Variants in DCUN1D5 observed in about 807,000 individuals in gnomAD.
DCUN1D5 encodes defective in cullin neddylation 1 domain containing 5, also known as DCN1-like protein 5.
A neutral mutation model predicts 38.3 loss-of-function variants in DCUN1D5; 10 were observed. That is an observed-to-expected ratio of 0.26 (90% CI 0.16 to 0.44). The LOEUF is 0.44. Among genes scored for constraint, DCUN1D5 ranks in the 20% least tolerant of loss-of-function variants. DCUN1D5 has a pLI of 1.00. For missense variants in DCUN1D5, 148 were observed against 275.3 expected, an observed-to-expected ratio of 0.54 and a Z score of 3.27; for synonymous variants, 93 against 90.9, an observed-to-expected ratio of 1.02 and a Z score of -0.13.
chr11:103,080,287 A>ATT (rs1343813549), intron 4 of DCUN1D5, among the ~76,000 whole-genome samples: 1 of 152,224 alleles, frequency 6.6e-6, no homozygotes, highest in East Asian at 1.9e-4. Flanking sequence ...GAGAGAACTG[A>ATT]TAATAAAGTT....
intron 4 of DCUN1D5, among the ~76,000 whole-genome samples, chr11:103,074,294 G>C (rs1862353833): frequency 1.3e-5 from 2 of 152,278 alleles, no homozygotes; most frequent in South Asian, 2.1e-4. Flanking sequence ...ATGTTCGTTA[G>C]CATCTCTTTC....
At position 103,083,367 on chromosome 11, in the gene DCUN1D5, C is replaced by A; in HGVS notation, c.179-41G>T. 9.2e-7 allele frequency: 1 copy of A among 1,091,972 alleles called. No individual in the cohort carries two copies. The highest frequency in any genetic ancestry group is 1.4e-6 in the Non-Finnish European group (1 of 714,848). 67.6% of individuals were successfully genotyped at this position (1,091,972 alleles called of 1,614,324 possible). A position where few individuals can be genotyped will look rare whatever the true frequency, so the allele number is the denominator to read the frequency against. Reference sequence around the variant, plus strand: ...TAATTAACATATTTTGTTATAATATCAACATAAAACATAAATCGTCATGCT... The same window carrying A: ...TAATTAACATATTTTGTTATAATATAAACATAAAACATAAATCGTCATGCT... On this transcript the variant is annotated intron_variant, in intron 2 of 7. Transcript: ENST00000260247. This position sits in a 1 kb window ranked among gnomAD's most constrained non-coding sequence, Gnocchi z 4.4.
In DCUN1D5 at chr11:103,062,425, A is replaced by G. The variant is rs1377976134; in HGVS notation, c.659-11T>C. The stretch of plus-strand genomic sequence containing the variant: ...CAAGAAGAACAGGCCCTAGAAAAAA[A>G]GAAACCATTTTTGTCAGAATTCAGT... On this transcript the variant is annotated splice_polypyrimidine_tract_variant and intron_variant, in intron 7 of 7. Coordinates refer to ENST00000260247, the MANE Select transcript of DCUN1D5 (RefSeq NM_032299.4). This position sits in a 1 kb window ranked among gnomAD's most constrained non-coding sequence, Gnocchi z 4.6. The G allele has an allele frequency of 1.2e-6, 2 of 1,609,944 alleles. No individual in the cohort carries two copies. Among genetic ancestry groups the G allele is most frequent in the East Asian group, 2.2e-5 (1 of 44,846 alleles).
Position 103,059,787 on chromosome 11 carries a change from C to G in DCUN1D5, c.*2572G>C, listed in dbSNP as rs904539634. 3.3e-5 allele frequency among the ~76,000 whole-genome samples: 5 copies of G among 152,054 alleles called. No individual in the cohort carries two copies. The highest frequency in any genetic ancestry group is 7.4e-5 in the Non-Finnish European group (5 of 68,002). On this transcript the variant is annotated 3_prime_UTR_variant, in exon 8 of 8. Transcript: ENST00000260247. ...GGGTTGCAATCTGTCCAATCAACATCTGGCTCTACTTTCTCCCAGTAGTAT... is the reference window on the plus strand; with the variant it reads ...GGGTTGCAATCTGTCCAATCAACATGTGGCTCTACTTTCTCCCAGTAGTAT...
rs894276071 is a variant in DCUN1D5 at position 103,053,307 on chromosome 11, T to G, written c.*9052A>C. 1.3e-5 allele frequency: 2 copies of G among 149,808 alleles called. No homozygotes were observed. The highest frequency in any genetic ancestry group is 3.0e-5 in the Non-Finnish European group (2 of 67,302). 9.3% of individuals were successfully genotyped at this position (149,808 alleles called of 1,614,324 possible). On this transcript the variant is annotated 3_prime_UTR_variant, in exon 8 of 8. Transcript: ENST00000260247. This position sits in a 1 kb window ranked among gnomAD's most constrained non-coding sequence, Gnocchi z 4.8. Reference sequence around the variant, plus strand: ...CATTTAATGAACCATTTCACTATACTGCCTACAAAGAAAGCAAGTAATACA... The same window carrying G: ...CATTTAATGAACCATTTCACTATACGGCCTACAAAGAAAGCAAGTAATACA...
At chr11:103,085,563 C>T (rs539694006) in intron 2 of DCUN1D5, among the ~76,000 whole-genome samples, 43 of 152,174 alleles carry the variant, frequency 2.8e-4, no homozygotes, top group African/African-American at 9.9e-4. Flanking sequence ...GATATAATAC[C>T]TTATAACTTA....
In DCUN1D5 at chr11:103,064,467, A is replaced by C; in HGVS notation, c.556-90T>G. The C allele has an allele frequency of 9.5e-7, 1 of 1,051,292 alleles. No individual in the cohort carries two copies. Among genetic ancestry groups the C allele is most frequent in the South Asian group, 1.9e-5 (1 of 53,186 alleles). 65.1% of individuals were successfully genotyped at this position (1,051,292 alleles called of 1,614,324 possible). On this transcript the variant is annotated intron_variant, in intron 6 of 7. Transcript: ENST00000260247. This position sits in a 1 kb window ranked among gnomAD's most constrained non-coding sequence, Gnocchi z 4.5. ...AAACTAAGTTTTAACTGTTTTTGTGATTTGGTTTTTTCTAAAACATTTACT... is the reference window on the plus strand; with the variant it reads ...AAACTAAGTTTTAACTGTTTTTGTGCTTTGGTTTTTTCTAAAACATTTACT...
At chr11:103,082,197 C>T (rs1399358650) in intron 4 of DCUN1D5, among the ~76,000 whole-genome samples, 4 of 152,030 alleles carry the variant, frequency 2.6e-5, no homozygotes, top group Non-Finnish European at 5.9e-5. Context: ...AAGACAGGAT[C>T]CTAAACTGAA....
At position 103,089,326 on chromosome 11, in the gene DCUN1D5, AAC is replaced by A. The variant is rs1388815560; in HGVS notation, c.87-10_87-9del. On this transcript the variant is annotated splice_polypyrimidine_tract_variant and intron_variant, in intron 1 of 7. Transcript: ENST00000260247. ...GGTTGGGATCTGCAATAGCTTAGAAAACACACAGACGCCTAAGATTTTTATCA... is the reference window on the plus strand; with the variant it reads ...GGTTGGGATCTGCAATAGCTTAGAAAACACAGACGCCTAAGATTTTTATCA... The A allele has an allele frequency of 1.1e-5, 17 of 1,596,484 alleles. No homozygotes were observed. The South Asian group carries it at 1.2e-4, about 12-fold the overall frequency.
In DCUN1D5 at chr11:103,065,382, C is replaced by A. The variant is rs1462498264; in HGVS notation, c.555+887G>T. On this transcript the variant is annotated intron_variant, in intron 6 of 7. Coordinates refer to ENST00000260247, the MANE Select transcript of DCUN1D5 (RefSeq NM_032299.4). The surrounding 1 kb of genome is among the most constrained non-coding windows in gnomAD (Gnocchi z 4.6). ...ATGTTGGCCAGGCTGGTCTCGAACTCCTGGCCTCAAGTGATCTGCCTGCCT... is the reference window on the plus strand; with the variant it reads ...ATGTTGGCCAGGCTGGTCTCGAACTACTGGCCTCAAGTGATCTGCCTGCCT... Among the ~76,000 whole-genome samples, 5 of 152,146 alleles carry A rather than the reference C, an allele frequency of 3.3e-5. No homozygotes were observed. Among genetic ancestry groups the A allele is most frequent in the Non-Finnish European group, 7.4e-5 (5 of 68,010 alleles).
At position 103,063,690 on chromosome 11, in the gene DCUN1D5, ATTAAT is replaced by A. The variant is rs571946482; in HGVS notation, c.658+580_658+584del. On this transcript the variant is annotated intron_variant, in intron 7 of 7. Coordinates refer to ENST00000260247, the MANE Select transcript of DCUN1D5 (RefSeq NM_032299.4). The surrounding 1 kb of genome is among the most constrained non-coding windows in gnomAD (Gnocchi z 4.6). ...CTACAGAATTAACTTGGTTTATCTAATTAATTTATCATTATTTCAAAATCCTGTTT... is the reference window on the plus strand; with the variant it reads ...CTACAGAATTAACTTGGTTTATCTAATTATCATTATTTCAAAATCCTGTTT... Among the ~76,000 whole-genome samples the A allele has an allele frequency of 6.6e-6, 1 of 152,274 alleles. No individual in the cohort carries two copies. Among genetic ancestry groups the A allele is most frequent in the Admixed American group, 6.5e-5 (1 of 15,292 alleles).
chr11:103,080,952 T>C (rs550784710), intron 4 of DCUN1D5, among the ~76,000 whole-genome samples: 1 of 151,220 alleles, frequency 6.6e-6, no homozygotes, highest in South Asian at 2.1e-4. Flanking sequence ...GAGGTTGCAG[T>C]GAGCCAAGAT....
chr11:103,080,945 G>A (rs1370831273), intron 4 of DCUN1D5, among the ~76,000 whole-genome samples: 1 of 151,886 alleles, frequency 6.6e-6, no homozygotes, highest in Non-Finnish European at 1.5e-5. Context: ...GGAGGCGGAG[G>A]TTGCAGTGAG....
At position 103,058,057 on chromosome 11, in the gene DCUN1D5, A is replaced by T. The variant is rs1178913207; in HGVS notation, c.*4302T>A. Among the ~76,000 whole-genome samples, 1 of 152,234 alleles carries T rather than the reference A, an allele frequency of 6.6e-6. No individual in the cohort carries two copies. The highest frequency in any genetic ancestry group is 1.5e-5 in the Non-Finnish European group (1 of 68,038). On this transcript the variant is annotated 3_prime_UTR_variant, in exon 8 of 8. Coordinates refer to ENST00000260247, the MANE Select transcript of DCUN1D5 (RefSeq NM_032299.4). ...ATAGAGCCAAAAATAAATGCAACAAAGCTCCAATAAAATTGGCATTATAAG... is the reference window on the plus strand; with the variant it reads ...ATAGAGCCAAAAATAAATGCAACAATGCTCCAATAAAATTGGCATTATAAG...
At position 103,051,197 on chromosome 11, in the gene DCUN1D5, G is replaced by C. The variant is rs1388324333; in HGVS notation, c.*11162C>G. 6.6e-6 allele frequency: 1 copy of C among 152,112 alleles called. No homozygotes were observed. The highest frequency in any genetic ancestry group is 1.5e-5 in the Non-Finnish European group (1 of 68,028). The allele number at this position is 152,112 out of a possible 1,614,324, so 9.4% of individuals were successfully genotyped here. On this transcript the variant is annotated 3_prime_UTR_variant, in exon 8 of 8. Transcript: ENST00000260247. Reference sequence around the variant, plus strand: ...CCAATTATTTTGTAACATTGGACTAGTCAACATACCATCTTATGACCAAAT... The same window carrying C: ...CCAATTATTTTGTAACATTGGACTACTCAACATACCATCTTATGACCAAAT...
chr11:103,074,423 GT>G (rs1270701509), intron 4 of DCUN1D5, among the ~76,000 whole-genome samples: 2 of 152,126 alleles, frequency 1.3e-5, no homozygotes, highest in Middle Eastern at 3.4e-3. Flanking sequence ...TTGTTTGTTT[GT>G]TTTGAGATTG....
intron 4 of DCUN1D5, among the ~76,000 whole-genome samples, chr11:103,070,273 A>T (rs1317255821): frequency 2.6e-5 from 4 of 152,140 alleles, no homozygotes; most frequent in Non-Finnish European, 5.9e-5. Context: ...AGAGTGGATT[A>T]AAAAAAGCAT....
chr11:103,072,355 T>TAGATCTAGATCTAGATCTAGATCTAGAA (rs1862296770), intron 4 of DCUN1D5, among the ~76,000 whole-genome samples: 5 of 151,146 alleles, frequency 3.3e-5, no homozygotes, highest in Admixed American at 3.3e-4. Flanking sequence ...TAGATCTAGA[T>TAGATCTAGATCTAGATCTAGATCTAGAA]CTAGATCTAG....
intron 2 of DCUN1D5, among the ~76,000 whole-genome samples, chr11:103,084,113 T>C (rs761607418): frequency 6.6e-5 from 10 of 152,190 alleles, no homozygotes; most frequent in Non-Finnish European, 1.2e-4. Flanking sequence ...ATTCCCAAAA[T>C]ATAGTAATTA....
Sources: gnomAD v4.1 joint callset for allele counts (sites outside exome capture counted in the v4.1 genomes callset) on GRCh38, gnomAD v4.1.1 for gene constraint, Gnocchi (gnomAD v3.1) non-coding constraint, MANE v1.5 for transcripts, NCBI Gene and HGNC (gene_info 2026-07-23, HGNC 2026-07-21) for gene names.